Variants in DLGAP2 observed in about 807,000 individuals in gnomAD.
The protein encoded by DLGAP2 is disks large-associated protein 2.
DLGAP2 carries 26 observed loss-of-function variants against 100.3 expected under a neutral mutation model. The ratio of observed to expected loss-of-function variants is 0.26; its 90% CI spans 0.19 to 0.36. The LOEUF is 0.36. DLGAP2 is among the 10% of genes least tolerant of loss of function. The pLI is 1.00. For missense variants in DLGAP2, 1,858 were observed against 1,453.2 expected, an observed-to-expected ratio of 1.28 and a Z score of -4.53; for synonymous variants, 886 against 630.1, an observed-to-expected ratio of 1.41 and a Z score of -6.08.
intron 8 of DLGAP2, among the ~76,000 whole-genome samples, chr8:1,663,244 T>G (rs535606604): frequency 2.0e-5 from 3 of 152,074 alleles, no homozygotes; most frequent in Non-Finnish European, 4.4e-5. Flanking sequence ...TGTGTGTACA[T>G]GCACATGCGC....
chr8:1,472,151 A>C (rs2130204557), intron 3 of DLGAP2, among the ~76,000 whole-genome samples: 1 of 152,286 alleles, frequency 6.6e-6, no homozygotes, highest in Non-Finnish European at 1.5e-5. Flanking sequence ...GGACATGCAG[A>C]GCTCAGACGG....
intron 4 of DLGAP2, among the ~76,000 whole-genome samples, chr8:1,518,364 T>C (rs1800469000): frequency 6.6e-6 from 1 of 152,326 alleles, no homozygotes; most frequent in East Asian, 1.9e-4. Context: ...GTCGGTTCTG[T>C]GGCTGTGGCA....
At chr8:1,187,865 C>T (rs1260605156) in intron 2 of DLGAP2, among the ~76,000 whole-genome samples, 1 of 116,552 alleles carries the variant, frequency 8.6e-6, no homozygotes, top group African/African-American at 5.0e-5. Flanking sequence ...CCGGGACCCC[C>T]GTGACGTTTG....
At chr8:1,126,654 G>A (rs1796172421) in intron 2 of DLGAP2, among the ~76,000 whole-genome samples, 1 of 152,216 alleles carries the variant, frequency 6.6e-6, no homozygotes, top group Non-Finnish European at 1.5e-5. Context: ...GACTCCCGCT[G>A]TGGGCGGTGC....
intron 1 of DLGAP2, among the ~76,000 whole-genome samples, chr8:825,052 G>A (rs544901389): frequency 3.9e-5 from 6 of 152,270 alleles, no homozygotes; most frequent in African/African-American, 7.2e-5. Flanking sequence ...AGTAAGATAC[G>A]CACCACATCC....
At chr8:1,543,135 T>C (rs1376645383) in intron 4 of DLGAP2, among the ~76,000 whole-genome samples, 1 of 152,250 alleles carries the variant, frequency 6.6e-6, no homozygotes, top group African/African-American at 2.4e-5. Flanking sequence ...TACAAAAATG[T>C]TTCCCATTCT....
At chr8:1,172,211 C>T (rs1041375141) in intron 2 of DLGAP2, among the ~76,000 whole-genome samples, 2 of 152,022 alleles carry the variant, frequency 1.3e-5, no homozygotes, top group Non-Finnish European at 2.9e-5. Context: ...GAATATTGGC[C>T]CCCACTCTCT....
chr8:1,387,233 G>C (rs1260858589), intron 3 of DLGAP2, among the ~76,000 whole-genome samples: 2 of 152,212 alleles, frequency 1.3e-5, no homozygotes, highest in Non-Finnish European at 2.9e-5. Context: ...TGGAGAGACT[G>C]AGAGGCAGGT....
chr8:1,543,422 C>G (rs1261779882), intron 4 of DLGAP2, among the ~76,000 whole-genome samples: 1 of 152,076 alleles, frequency 6.6e-6, no homozygotes, highest in African/African-American at 2.4e-5. Context: ...TTGGGTTATC[C>G]TAGCATTATT....
chr8:1,230,578 C>G (rs1451163292), intron 2 of DLGAP2, among the ~76,000 whole-genome samples: 1 of 152,060 alleles, frequency 6.6e-6, no homozygotes, highest in East Asian at 1.9e-4. Context: ...AGAACAAAGC[C>G]AGAGGCATCA....
rs150654102 is a variant in DLGAP2, at chr8:1,326,473, G to A, written c.106+67590G>A. Among the ~76,000 whole-genome samples, 543 of 152,258 alleles carry A rather than the reference G, an allele frequency of 3.6e-3. 1 individual carries two copies. The highest frequency in any genetic ancestry group is 0.012 in the African/African-American group (519 of 41,554). Reference sequence around the variant, plus strand: ...CGCCCTGTCTTTCAGGACATGGCACGCGCTCGGTCTCGGTCCGGGCCTGTC... The same window carrying A: ...CGCCCTGTCTTTCAGGACATGGCACACGCTCGGTCTCGGTCCGGGCCTGTC... On this transcript the variant is annotated intron_variant, in intron 3 of 14. Transcript: ENST00000637795.
intron 1 of DLGAP2, among the ~76,000 whole-genome samples, chr8:784,904 C>T (rs762837046): frequency 3.3e-5 from 5 of 152,008 alleles, no homozygotes; most frequent in African/African-American, 2.4e-5. Context: ...ATTTTACAGC[C>T]ACTAAAAAAA....
At chr8:820,622 G>A (rs1033444498) in intron 1 of DLGAP2, among the ~76,000 whole-genome samples, 2 of 152,158 alleles carry the variant, frequency 1.3e-5, no homozygotes, top group Non-Finnish European at 2.9e-5. Flanking sequence ...AGAGGCAAAA[G>A]CAAGAAGATT....
At chr8:1,088,814 CCTCATCCA>C (rs1207997396) in intron 2 of DLGAP2, among the ~76,000 whole-genome samples, 6 of 98,718 alleles carry the variant, frequency 6.1e-5, no homozygotes, top group African/African-American at 2.4e-4. Flanking sequence ...TCTCTCCACC[CCTCATCCA>C]GCAGGCTATG....
At chr8:1,440,673 C>T (rs865865324) in intron 3 of DLGAP2, among the ~76,000 whole-genome samples, 2 of 152,194 alleles carry the variant, frequency 1.3e-5, no homozygotes, top group Non-Finnish European at 2.9e-5. Context: ...CGTGGATTGT[C>T]GGGTGAGCCG....
At chr8:1,110,714 CT>C (rs10573688) in intron 2 of DLGAP2, among the ~76,000 whole-genome samples, 45,554 of 127,526 alleles carry the variant, frequency 0.36, 6,632 homozygotes, top group East Asian at 0.44. Context: ...GATTTATAGC[CT>C]TTTTTTTTTT....
intron 2 of DLGAP2, among the ~76,000 whole-genome samples, chr8:1,133,063 T>G (rs960519640): frequency 6.6e-6 from 1 of 152,200 alleles, no homozygotes; most frequent in Non-Finnish European, 1.5e-5. Context: ...GGTCAGAGCC[T>G]GTGAAGGACA....
chr8:1,485,890 G>A (rs1799224660), intron 3 of DLGAP2, among the ~76,000 whole-genome samples: 1 of 152,180 alleles, frequency 6.6e-6, no homozygotes, highest in South Asian at 2.1e-4. Flanking sequence ...TGGGTGTGGT[G>A]GTTGGCACCT....
intron 1 of DLGAP2, among the ~76,000 whole-genome samples, chr8:799,438 C>T (rs540468173): frequency 2.0e-5 from 3 of 152,218 alleles, no homozygotes; most frequent in East Asian, 3.9e-4. Flanking sequence ...GTTTGATGTG[C>T]GCTCTGCTGG....
Sources: allele counts gnomAD v4.1 joint callset (sites outside exome capture counted in the v4.1 genomes callset), GRCh38; gene constraint gnomAD v4.1.1; transcripts MANE v1.5; gene names NCBI Gene and HGNC (gene_info 2026-07-23, HGNC 2026-07-21).